PTER: variants seen among roughly 807,000 people sequenced by gnomAD.
The protein encoded by PTER is N-acetyltaurine hydrolase.
PTER carries 38 observed loss-of-function variants against 29.6 expected under a neutral mutation model. The observed-to-expected ratio is 1.28, with a 90% confidence interval of 0.99 to 1.68. The LOEUF (loss-of-function observed/expected upper bound fraction) is 1.68, where lower values mean the gene tolerates loss of function less well. PTER is among the 40% of genes most tolerant of loss of function. The pLI is 0.00. For synonymous variants in PTER, 172 were observed against 154.5 expected (o/e 1.11, Z -0.84); for missense variants, 482 against 427.8 (o/e 1.13, Z -1.12).
chr10:16,455,611 T>C (rs1044173894), intron 1 of PTER, among the ~76,000 whole-genome samples: 3 of 152,080 alleles, frequency 2.0e-5, no homozygotes, highest in Admixed American at 1.3e-4. Flanking sequence ...GGATCACTTG[T>C]ACCTGGGAGG....
At chr10:16,450,238 A>T (rs1834157500) in intron 1 of PTER, among the ~76,000 whole-genome samples, 1 of 152,088 alleles carries the variant, frequency 6.6e-6, no homozygotes, top group South Asian at 2.1e-4. Context: ...GCAAACGGGT[A>T]TTGGGAGTGG....
intron 1 of PTER, among the ~76,000 whole-genome samples, chr10:16,465,654 G>T (rs1834782634): frequency 6.6e-6 from 1 of 152,162 alleles, no homozygotes; most frequent in South Asian, 2.1e-4. Context: ...CTCATTGGTT[G>T]AGCAGACATT....
chr10:16,500,397 A>C (rs1181399858), intron 3 of PTER, among the ~76,000 whole-genome samples: 1 of 151,780 alleles, frequency 6.6e-6, no homozygotes, highest in Non-Finnish European at 1.5e-5. Flanking sequence ...CCACAGGCAC[A>C]CACCACCACA....
chr10:16,444,390 C>T (rs1833948179), intron 1 of PTER, among the ~76,000 whole-genome samples: 2 of 151,792 alleles, frequency 1.3e-5, no homozygotes, highest in Admixed American at 1.3e-4. Flanking sequence ...AAGCGATCCT[C>T]CTGAGTAGCT....
intron 3 of PTER, among the ~76,000 whole-genome samples, chr10:16,503,859 G>A (rs936021713): frequency 5.3e-5 from 8 of 152,170 alleles, no homozygotes; most frequent in South Asian, 2.1e-4. Context: ...TCCTCACATC[G>A]TGGAGTTGCC....
chr10:16,507,550 C>A (rs755371236), intron 4 of PTER, among the ~76,000 whole-genome samples: 1 of 152,206 alleles, frequency 6.6e-6, no homozygotes, highest in African/African-American at 2.4e-5. Context: ...ATAGTTGGGA[C>A]ATCCTGAGGA....
At chr10:16,509,518 A>T (rs952389216) in intron 4 of PTER, among the ~76,000 whole-genome samples, 1 of 152,226 alleles carries the variant, frequency 6.6e-6, no homozygotes, top group Non-Finnish European at 1.5e-5. Flanking sequence ...AAAATTTTGG[A>T]AAATGCCCAG....
intron 1 of PTER, among the ~76,000 whole-genome samples, chr10:16,478,708 C>T (rs889085781): frequency 6.6e-6 from 1 of 151,940 alleles, no homozygotes; most frequent in African/African-American, 2.4e-5. Flanking sequence ...GTACCAGTTA[C>T]AAGTTTGTAG....
intron 1 of PTER, among the ~76,000 whole-genome samples, chr10:16,464,053 A>G (rs182108538): frequency 1.3e-5 from 2 of 152,316 alleles, no homozygotes; most frequent in East Asian, 3.9e-4. Context: ...GTACATTAGG[A>G]GATTTAATTA....
chr10:16,446,010 T>G (rs760678261), intron 1 of PTER, among the ~76,000 whole-genome samples: 1 of 152,174 alleles, frequency 6.6e-6, no homozygotes, highest in African/African-American at 2.4e-5. Flanking sequence ...CCGTTATCAT[T>G]TAGTAAAGTG....
At chr10:16,471,029 G>A (rs142466424) in intron 1 of PTER, among the ~76,000 whole-genome samples, 44 of 152,278 alleles carry the variant, frequency 2.9e-4, no homozygotes, top group African/African-American at 8.9e-4. Context: ...ACTGTGATAC[G>A]AATTATTCAG....
intron 2 of PTER, among the ~76,000 whole-genome samples, chr10:16,485,630 A>C (rs866622646): frequency 1.3e-5 from 2 of 152,146 alleles, no homozygotes; most frequent in Middle Eastern, 3.4e-3. Flanking sequence ...TATTTTTTTA[A>C]TGTATTTTTG....
chr10:16,466,287 C>T (rs7920884), intron 1 of PTER, among the ~76,000 whole-genome samples: 92,104 of 151,448 alleles, frequency 0.61, 28,837 homozygotes, highest in East Asian at 0.81. Flanking sequence ...AGACCTTTTT[C>T]TGTTATAACT....
intron 1 of PTER, among the ~76,000 whole-genome samples, chr10:16,468,547 G>A (rs1588601365): frequency 1.3e-5 from 2 of 152,056 alleles, no homozygotes; most frequent in South Asian, 2.1e-4. Flanking sequence ...TGGATAAAGC[G>A]GGACTAAAAC....
chr10:16,501,017 T>C (rs1382491283), intron 3 of PTER, among the ~76,000 whole-genome samples: 1 of 152,056 alleles, frequency 6.6e-6, no homozygotes, highest in Non-Finnish European at 1.5e-5. Flanking sequence ...CTGCAACCTC[T>C]GCCTTCCAGG....
At chr10:16,502,099 G>A (rs193121761) in intron 3 of PTER, among the ~76,000 whole-genome samples, 1 of 152,302 alleles carries the variant, frequency 6.6e-6, no homozygotes, top group Admixed American at 6.5e-5. Flanking sequence ...ATTTAGGAAA[G>A]TTATTCTCAA....
In PTER at chr10:16,486,596, C is replaced by G. The variant is rs1835710375; in HGVS notation, c.677C>G (p.Thr226Arg). 1 of 1,613,464 alleles carries G rather than the reference C, an allele frequency of 6.2e-7. No homozygotes were observed. The change falls in exon 3 of 5, where the codon ACA becomes AGA. Residue 226 changes from threonine (T) to arginine (R), a missense_variant. By Grantham distance (71) the Thr-to-Arg change is moderately conservative (BLOSUM62 -1). Coordinates refer to ENST00000535784, the MANE Select transcript of PTER (RefSeq NM_001261836.2). The stretch of plus-strand genomic sequence containing the variant: ...GAAGCAGGCGCAGACATCTCCAAAA[C>G]AGTCATGTCACACCTGGATAGGTAA... Reference protein sequence around the residue: ...LQEAGADISKTVMSHLDRTIL... With the variant: ...LQEAGADISKRVMSHLDRTIL...
chr10:16,517,476 A>T (rs1836969279), downstream of PTER, among the ~76,000 whole-genome samples: 1 of 152,174 alleles, frequency 6.6e-6, no homozygotes, highest in African/African-American at 2.4e-5. Context: ...CTTATTTATT[A>T]TAGTGGCATT....
chr10:16,453,004 C>T (rs1834269732), intron 1 of PTER, among the ~76,000 whole-genome samples: 1 of 152,218 alleles, frequency 6.6e-6, no homozygotes, highest in South Asian at 2.1e-4. Context: ...CCTGCCTCAG[C>T]CTCCCAAATT....
Sources: allele counts gnomAD v4.1 joint callset (sites outside exome capture counted in the v4.1 genomes callset), GRCh38; gene constraint gnomAD v4.1.1; transcripts MANE v1.5; gene names NCBI Gene and HGNC (gene_info 2026-07-23, HGNC 2026-07-21).